The following NIPBL variants were observed in gnomAD, a reference collection of about 807,000 sequenced individuals.
NIPBL encodes nipped-B-like protein.
NIPBL carries 19 observed loss-of-function variants against 321.8 expected under a neutral mutation model. That is an observed-to-expected ratio of 0.06 (90% CI 0.04 to 0.09). The LOEUF (loss-of-function observed/expected upper bound fraction) is 0.09, where lower values mean the gene tolerates loss of function less well. Among genes scored for constraint, NIPBL ranks in the 10% least tolerant of loss-of-function variants. NIPBL has a pLI of 1.00. For synonymous variants in NIPBL, 1,106 were observed against 1,114.1 expected, an observed-to-expected ratio of 0.99 and a Z score of 0.14; for missense variants, 2,210 against 3,327.0, an observed-to-expected ratio of 0.66 and a Z score of 8.26.
chr5:36,921,473 T>C (rs1748937819), intron 1 of NIPBL, among the ~76,000 whole-genome samples: 1 of 152,202 alleles, frequency 6.6e-6, no homozygotes, highest in African/African-American at 2.4e-5. Flanking sequence ...CATGAAAATA[T>C]TAATTGTTCT....
At position 37,000,495 on chromosome 5, in the gene NIPBL, G is replaced by T. The variant is rs772377308; in HGVS notation, c.3427G>T (p.Gly1143Cys). Residue 1143 changes from glycine (G) to cysteine (C), a missense_variant, in exon 12 of 47, where the codon GGT (glycine) becomes TGT (cysteine). This residue lies in a region of NIPBL where 381 missense variants were observed against 642.3 expected (regional missense o/e 0.59). Transcript: ENST00000282516. Reference protein sequence around the residue: ...HSHEGRRSSGGGRYRNRSPSD... With the variant: ...HSHEGRRSSGCGRYRNRSPSD... ...TCATGAAGGAAGAAGGAGTTCAGGT[G>T]GTGGTCGTTATCGAAACCGAAGTCC... is the stretch of plus-strand genomic sequence containing the variant. 3 of 1,613,486 alleles carry T rather than the reference G, an allele frequency of 1.9e-6. No individual in the cohort carries two copies. The South Asian group carries it at 3.3e-5, about 18-fold the overall frequency.
At chr5:37,021,209 G>A (rs1423027219) in intron 27 of NIPBL, among the ~76,000 whole-genome samples, 1 of 152,186 alleles carries the variant, frequency 6.6e-6, no homozygotes, top group Non-Finnish European at 1.5e-5. Flanking sequence ...TGAGGCCGGA[G>A]AATTGCTTGA....
intron 1 of NIPBL, among the ~76,000 whole-genome samples, chr5:36,913,647 T>A (rs1439364439): frequency 6.6e-6 from 1 of 152,176 alleles, no homozygotes; most frequent in Non-Finnish European, 1.5e-5. Context: ...TGCTGGAATT[T>A]CAGGTGTGAG....
chr5:36,926,286 G>A (rs1451745404), intron 1 of NIPBL, among the ~76,000 whole-genome samples: 3 of 152,134 alleles, frequency 2.0e-5, no homozygotes, highest in Non-Finnish European at 4.4e-5. Flanking sequence ...ATTTTCCTAT[G>A]TCTCACGATT....
At chr5:37,061,533 C>T (rs796957450) in intron 45 of NIPBL, among the ~76,000 whole-genome samples, 2 of 152,114 alleles carry the variant, frequency 1.3e-5, no homozygotes, top group African/African-American at 4.8e-5. Context: ...CAAAAAATTA[C>T]CTGGGGGCAG....
intron 32 of NIPBL, among the ~76,000 whole-genome samples, chr5:37,027,974 T>C (rs1750500078): frequency 6.6e-6 from 1 of 152,178 alleles, no homozygotes; most frequent in African/African-American, 2.4e-5. Context: ...AATTCTATCT[T>C]ACTTTCTTTC....
At chr5:36,885,009 G>A (rs921454274) in intron 1 of NIPBL, among the ~76,000 whole-genome samples, 1 of 152,134 alleles carries the variant, frequency 6.6e-6, no homozygotes, top group African/African-American at 2.4e-5. Flanking sequence ...CTGGAGTATT[G>A]CAAGAAGTGA....
chr5:36,901,108 C>T (rs1747174354), intron 1 of NIPBL, among the ~76,000 whole-genome samples: 1 of 152,188 alleles, frequency 6.6e-6, no homozygotes, highest in African/African-American at 2.4e-5. Context: ...CTCCCACCCT[C>T]AAGTAGGCTT....
intron 18 of NIPBL, 97 bp downstream of exon 18, chr5:37,007,571 T>C: frequency 1.2e-6 from 1 of 824,928 alleles, no homozygotes; most frequent in South Asian, 1.8e-5. Context: ...CACTATATTA[T>C]CAAGAATTTT....
chr5:36,887,378 G>C (rs1485232583), intron 1 of NIPBL, among the ~76,000 whole-genome samples: 1 of 152,196 alleles, frequency 6.6e-6, no homozygotes, highest in Admixed American at 6.5e-5. Flanking sequence ...TAAAAAAAGA[G>C]CATAGATTAT....
chr5:37,012,615 C>T (rs1181505945), intron 21 of NIPBL, among the ~76,000 whole-genome samples: 1 of 152,128 alleles, frequency 6.6e-6, no homozygotes, highest in African/African-American at 2.4e-5. Context: ...GGCCTTCCGG[C>T]CTTCCGCAGT....
At chr5:36,962,995 T>G (rs1380636299) in intron 6 of NIPBL, among the ~76,000 whole-genome samples, 1 of 152,090 alleles carries the variant, frequency 6.6e-6, no homozygotes, top group Non-Finnish European at 1.5e-5. Flanking sequence ...CTGTAATAAT[T>G]TGTAGTAAAA....
At chr5:37,026,113 C>A (rs2149704312) in intron 30 of NIPBL, 116 bp from the exon 31 acceptor site, 5 of 637,932 alleles carry the variant, frequency 7.8e-6, no homozygotes, top group South Asian at 1.8e-5. Flanking sequence ...AAATTCCTGG[C>A]AGTTTGTGTT....
chr5:37,008,759 A>T (rs748700491), intron 20 of NIPBL, 36 bp downstream of exon 20: 2 of 1,004,516 alleles, frequency 2.0e-6, no homozygotes, highest in Admixed American at 3.4e-5. Flanking sequence ...TTTAATGAAG[A>T]ACCACCATTA....
At chr5:37,028,140 T>C (rs1561181448) in intron 32 of NIPBL, among the ~76,000 whole-genome samples, 1 of 152,036 alleles carries the variant, frequency 6.6e-6, no homozygotes, top group Non-Finnish European at 1.5e-5. Context: ...GTGGGTTTTT[T>C]TTAAGTTTCA....
intron 38 of NIPBL, 60 bp downstream of exon 38, chr5:37,046,259 A>G: frequency 3.3e-6 from 3 of 909,748 alleles, no homozygotes; most frequent in Non-Finnish European, 1.8e-6. Flanking sequence ...ATATTTTTAA[A>G]TATTGTGAAT....
In NIPBL at chr5:36,985,555, G is replaced by T. The variant is rs376912534; in HGVS notation, c.2375G>T (p.Arg792Leu). The part of the protein sequence containing the change: ...HKQDTKSDSP[R>L]LKSERAEALK... ...CAAGATACTAAATCTGACTCACCTC[G>T]GTTAAAATCAGAACGAGCTGAAGCC... Residue 792 changes from arginine to leucine, a missense_variant, in exon 10 of 47, where the codon CGG becomes CTG. Transcript: ENST00000282516. 9 of 1,613,656 alleles carry T rather than the reference G, an allele frequency of 5.6e-6. No individual in the cohort carries two copies. Among genetic ancestry groups the T allele is most frequent in the Non-Finnish European group, 7.6e-6 (9 of 1,179,952 alleles).
rs867568116 is a variant in NIPBL, at chr5:36,968,853, A to G, written c.611-2023A>G. Among the ~76,000 whole-genome samples the G allele has an allele frequency of 3.2e-4, 48 of 152,318 alleles. 1 individual carries two copies. In the Middle Eastern group the frequency reaches 0.014, roughly 43 times the overall value. On this transcript the variant is annotated intron_variant, in intron 6 of 46. Coordinates refer to ENST00000282516, the MANE Select transcript of NIPBL (RefSeq NM_133433.4). ...ACAGGAAGATAAGAAGCGTTAAACT[A>G]TGTATAATTATTGGTAAGGAAGAAA...
intron 9 of NIPBL, among the ~76,000 whole-genome samples, chr5:36,978,108 A>G (rs114330224): frequency 0.034 from 5,154 of 151,912 alleles, 318 homozygotes; most frequent in African/African-American, 0.12. Flanking sequence ...TTTTTTCCCT[A>G]TGGATAGAAA....
Sources: gnomAD v4.1 joint callset for allele counts (sites outside exome capture counted in the v4.1 genomes callset) on GRCh38, gnomAD v4.1.1 for gene constraint, gnomAD v4.1.1 regional missense constraint, MANE v1.5 for transcripts, NCBI Gene and HGNC (gene_info 2026-07-23, HGNC 2026-07-21) for gene names.